Variants in DAGLA observed in about 807,000 individuals in gnomAD.
The protein encoded by DAGLA is diacylglycerol lipase alpha, also known as diacylglycerol lipase-alpha.
Under a neutral mutation model 102.6 loss-of-function variants are expected in DAGLA, and 22 were observed. The ratio of observed to expected loss-of-function variants is 0.21; its 90% CI spans 0.15 to 0.31. The LOEUF (loss-of-function observed/expected upper bound fraction) is 0.31. DAGLA is among the 10% of genes least tolerant of loss of function. DAGLA has a pLI of 1.00. For synonymous variants in DAGLA, 578 were observed against 628.9 expected (o/e 0.92, Z 1.21); for missense variants, 927 against 1,446.6 (o/e 0.64, Z 5.83).
chr11:61,724,250 A>G (rs1371921031), intron 5 of DAGLA, among the ~76,000 whole-genome samples: 1 of 152,206 alleles, frequency 6.6e-6, no homozygotes, highest in East Asian at 1.9e-4. Context: ...TAGTGTCACA[A>G]TAATTTGTTT....
chr11:61,726,093 G>A lies in DAGLA; in HGVS notation c.636+11G>A, dbSNP rs749156971. 4 of 1,609,748 alleles carry A rather than the reference G, an allele frequency of 2.5e-6. No individual in the cohort carries two copies. The highest frequency in any genetic ancestry group is 2.2e-5 in the South Asian group (2 of 91,076). The stretch of plus-strand genomic sequence containing the variant: ...AAGGACTCCCAGTCAGTAAGTACTG[G>A]GAGGTCGCTCCCCTCTGGCTCACAT... On this transcript the variant is annotated intron_variant, in intron 6 of 19. Coordinates refer to ENST00000257215, the MANE Select transcript of DAGLA (RefSeq NM_006133.3).
intron 1 of DAGLA, among the ~76,000 whole-genome samples, chr11:61,688,158 A>G (rs2064999516): frequency 6.6e-6 from 1 of 152,148 alleles, no homozygotes; most frequent in South Asian, 2.1e-4. Context: ...CACTAAAAAT[A>G]TAAAAAATTA....
At chr11:61,701,189 G>A (rs761450361) in intron 1 of DAGLA, among the ~76,000 whole-genome samples, 4 of 152,208 alleles carry the variant, frequency 2.6e-5, no homozygotes, top group East Asian at 1.9e-4. Context: ...ATAAAGAAGC[G>A]TGCTAATACA....
intron 1 of DAGLA, among the ~76,000 whole-genome samples, chr11:61,696,211 G>A (rs903356894): frequency 5.3e-5 from 8 of 152,160 alleles, no homozygotes; most frequent in South Asian, 2.1e-4. Flanking sequence ...CGCCAGTGCC[G>A]GGATTTCCCT....
In DAGLA at chr11:61,684,811, G is replaced by A. The variant is rs1195821074; in HGVS notation, c.-45+4307G>A. On this transcript the variant is annotated intron_variant, in intron 1 of 19. Coordinates refer to ENST00000257215, the MANE Select transcript of DAGLA (RefSeq NM_006133.3). This position sits in a 1 kb window ranked among gnomAD's most constrained non-coding sequence, Gnocchi z 4.5. ...GTGTCTGGCTGGCCTGGTGTTGGTGGGTGTGCGGAGCTGGGGGTTGCCGGG... is the reference window on the plus strand; with the variant it reads ...GTGTCTGGCTGGCCTGGTGTTGGTGAGTGTGCGGAGCTGGGGGTTGCCGGG... Among the ~76,000 whole-genome samples, 1 of 152,102 alleles carries A rather than the reference G, an allele frequency of 6.6e-6. No homozygotes were observed. The highest frequency in any genetic ancestry group is 1.9e-4 in the East Asian group (1 of 5,192).
intron 9 of DAGLA, among the ~76,000 whole-genome samples, chr11:61,733,573 G>A (rs1242574440): frequency 6.6e-6 from 1 of 152,248 alleles, no homozygotes; most frequent in Non-Finnish European, 1.5e-5. Context: ...GGGCTCCAGC[G>A]TCTGGTGCCT....
rs532370933 is a variant in DAGLA at position 61,738,048 on chromosome 11, G to A, written c.1584-87G>A. On this transcript the variant is annotated intron_variant, in intron 15 of 19. Transcript: ENST00000257215. ...TGTCTTCTTGTTCCAGGGGCTAGGC[G>A]TGTGCCTGCCCCTCCGCCCCTGGCC... is the stretch of plus-strand genomic sequence containing the variant. 4.4e-5 allele frequency: 47 copies of A among 1,063,682 alleles called. 1 individual carries two copies. The Admixed American group carries it at 5.3e-4, about 12-fold the overall frequency. The allele number at this position is 1,063,682 out of a possible 1,614,324, so 65.9% of individuals were successfully genotyped here. A position where few individuals can be genotyped will look rare whatever the true frequency, so the allele number is the denominator to read the frequency against.
intron 1 of DAGLA, among the ~76,000 whole-genome samples, chr11:61,710,878 T>C (rs1322960763): frequency 6.6e-6 from 1 of 152,200 alleles, no homozygotes. Context: ...CATGACTCAC[T>C]CACTATGAAG....
In DAGLA at chr11:61,734,842, A is replaced by C. The variant is rs1248104703; in HGVS notation, c.975-7A>C. ...TGGCCCTGAACTCTCTTGTCACCCCACCCTAGGTGTTGCCTGTGTCCTGCG... is the reference window on the plus strand; with the variant it reads ...TGGCCCTGAACTCTCTTGTCACCCCCCCCTAGGTGTTGCCTGTGTCCTGCG... On this transcript the variant is annotated splice_polypyrimidine_tract_variant and splice_region_variant and intron_variant, in intron 9 of 19. Transcript: ENST00000257215. This position sits in a 1 kb window ranked among gnomAD's most constrained non-coding sequence, Gnocchi z 4.2. The C allele has an allele frequency of 6.2e-7, 1 of 1,610,488 alleles. No individual in the cohort carries two copies. The highest frequency in any genetic ancestry group is 1.7e-5 in the Admixed American group (1 of 59,950).
intron 14 of DAGLA, 134 bp downstream of exon 14, chr11:61,737,458 G>A: frequency 2.3e-6 from 3 of 1,323,026 alleles, no homozygotes; most frequent in Non-Finnish European, 3.2e-6. Context: ...CTGGAGGGTG[G>A]AGGGTGGGGG....
chr11:61,736,282 T>A lies in DAGLA; in HGVS notation c.1303T>A (p.Ser435Thr). The change falls in exon 13 of 20, where the codon TCA becomes ACA. Residue 435 changes from serine (S) to threonine (T), a missense_variant. Around this residue, in one of 4 missense-constraint regions of DAGLA, gnomAD observed 218 missense variants for 459.6 expected, o/e 0.47. Transcript: ENST00000257215. ...CCTGCCCACCCAGGGTATGGTCCTC[T>A]CAGCTGAGTACATCAAGAAGAAACT... ...TWLGHKGMVL[S>T]AEYIKKKLEQ... 6.2e-7 allele frequency: 1 copy of A among 1,614,054 alleles called. No individual in the cohort carries two copies. Among genetic ancestry groups the A allele is most frequent in the Non-Finnish European group, 8.5e-7 (1 of 1,179,984 alleles).
At chr11:61,703,171 C>A (rs180997821) in intron 1 of DAGLA, among the ~76,000 whole-genome samples, 1 of 152,304 alleles carries the variant, frequency 6.6e-6, no homozygotes, top group East Asian at 1.9e-4. Context: ...GTGAGCTCCC[C>A]CAACCTGCCA....
chr11:61,692,202 A>G (rs1357359723), intron 1 of DAGLA, among the ~76,000 whole-genome samples: 1 of 152,166 alleles, frequency 6.6e-6, no homozygotes, highest in Non-Finnish European at 1.5e-5. Context: ...CGGCAGCTTC[A>G]GCATCACCTG....
intron 1 of DAGLA, among the ~76,000 whole-genome samples, chr11:61,711,439 T>C (rs2065194251): frequency 6.6e-6 from 1 of 152,174 alleles, no homozygotes; most frequent in Non-Finnish European, 1.5e-5. Context: ...CCTTCCACTG[T>C]TGGAAAACAT....
intron 1 of DAGLA, among the ~76,000 whole-genome samples, chr11:61,715,636 G>GACCA (rs2065230439): frequency 6.6e-6 from 1 of 152,180 alleles, no homozygotes; most frequent in Non-Finnish European, 1.5e-5. Flanking sequence ...TCATGGTGGG[G>GACCA]GCAGGCTCCT....
Position 61,737,316 on chromosome 11 carries a change from C to T in DAGLA, c.1506C>T (p.Gly502=), listed in dbSNP as rs1251807561. The T allele has an allele frequency of 1.2e-6, 2 of 1,610,858 alleles. No individual in the cohort carries two copies. Among genetic ancestry groups the T allele is most frequent in the Non-Finnish European group, 8.5e-7 (1 of 1,180,016 alleles). ...GCTTTGCCTACTCCCCGCCAGGGGG[C>T]CTGCTGAGGTGAGCCATCTGGGGCT... ...LKCFAYSPPG[G]LLSEDAMEYS... Residue 502 remains glycine (G), a synonymous_variant, in exon 14 of 20, where the codon GGC becomes GGT. Coordinates refer to ENST00000257215, the MANE Select transcript of DAGLA (RefSeq NM_006133.3).
chr11:61,742,228 A>C (rs1467578932), intron 19 of DAGLA, among the ~76,000 whole-genome samples: 1 of 152,190 alleles, frequency 6.6e-6, no homozygotes, highest in Non-Finnish European at 1.5e-5. Flanking sequence ...AGGCGTGCAC[A>C]CATGCTCACA....
Position 61,744,889 on chromosome 11 carries a change from C to A in DAGLA, c.*400C>A. 5.0e-6 allele frequency: 1 copy of A among 199,256 alleles called. No individual in the cohort carries two copies. Among genetic ancestry groups the A allele is most frequent in the Non-Finnish European group, 1.0e-5 (1 of 97,184 alleles). 12.3% of individuals were successfully genotyped at this position (199,256 alleles called of 1,614,324 possible). A position where few individuals can be genotyped will look rare whatever the true frequency, so the allele number is the denominator to read the frequency against. On this transcript the variant is annotated 3_prime_UTR_variant, in exon 20 of 20. Coordinates refer to ENST00000257215, the MANE Select transcript of DAGLA (RefSeq NM_006133.3). ...GGGCCAGGTGGAGAGCAGTGCCCCCCGACACATGTATTCTCATCTGTGGTC... is the reference window on the plus strand; with the variant it reads ...GGGCCAGGTGGAGAGCAGTGCCCCCAGACACATGTATTCTCATCTGTGGTC...
chr11:61,698,741 G>A (rs1591028326), intron 1 of DAGLA, among the ~76,000 whole-genome samples: 1 of 152,208 alleles, frequency 6.6e-6, no homozygotes, highest in African/African-American at 2.4e-5. Flanking sequence ...GCGTGGTGCT[G>A]GGTGCCAAGG....
Sources: gnomAD v4.1 joint callset for allele counts (sites outside exome capture counted in the v4.1 genomes callset) on GRCh38, gnomAD v4.1.1 for gene constraint, gnomAD v4.1.1 regional missense constraint, Gnocchi (gnomAD v3.1) non-coding constraint, MANE v1.5 for transcripts, NCBI Gene and HGNC (gene_info 2026-07-23, HGNC 2026-07-21) for gene names.